Variants in SLC24A2 observed in about 807,000 individuals in gnomAD.
SLC24A2 encodes solute carrier family 24 member 2, also known as sodium/potassium/calcium exchanger 2.
A neutral mutation model predicts 62.0 loss-of-function variants in SLC24A2; 36 were observed. The ratio of observed to expected loss-of-function variants is 0.58; its 90% confidence interval spans 0.44 to 0.77. The LOEUF (loss-of-function observed/expected upper bound fraction) is 0.77. Ranked by LOEUF, SLC24A2 falls within the 30% of genes least tolerant of loss-of-function variation. The probability of loss-of-function intolerance (pLI) is 0.00; values close to 1 mark genes in which losing one functional copy is unlikely to be tolerated. For missense variants in SLC24A2, 846 were observed against 817.9 expected (o/e 1.03, Z -0.42); for synonymous variants, 358 against 294.0 (o/e 1.22, Z -2.23).
intron 6 of SLC24A2, 66 bp from the exon 7 acceptor site, chr9:19,573,535 G>T (rs1039258948): frequency 3.8e-6 from 3 of 781,822 alleles, no homozygotes; most frequent in South Asian, 1.5e-5. Context: ...CACACAGAGA[G>T]AGAGAGAGAG....
intron 2 of SLC24A2, among the ~76,000 whole-genome samples, chr9:19,716,407 C>T (rs1820861306): frequency 1.3e-5 from 2 of 152,184 alleles, no homozygotes; most frequent in South Asian, 4.1e-4. Context: ...GTGTGGGTCC[C>T]AATGATAGAT....
the SLC24A2 span, among the ~76,000 whole-genome samples, chr9:19,982,910 T>C: frequency 1.3e-5 from 2 of 152,022 alleles, no homozygotes; most frequent in African/African-American, 4.8e-5. Context: ...ATTAATAGAA[T>C]AAGAGAATAA....
the SLC24A2 span, among the ~76,000 whole-genome samples, chr9:19,806,075 C>T: frequency 6.6e-6 from 1 of 151,944 alleles, no homozygotes; most frequent in Admixed American, 6.6e-5. Context: ...TAATATTAAT[C>T]AAGTATTAGG....
chr9:19,906,536 G>A, the SLC24A2 span, among the ~76,000 whole-genome samples: 25 of 152,204 alleles, frequency 1.6e-4, no homozygotes, highest in African/African-American at 6.0e-4. Context: ...AATGAATCCA[G>A]GAGCTGGTTT....
chr9:19,718,283 A>ATTT (rs1820919316), intron 2 of SLC24A2, among the ~76,000 whole-genome samples: 1 of 57,970 alleles, frequency 1.7e-5, no homozygotes, highest in African/African-American at 8.1e-5. Context: ...CTGATTTAAC[A>ATTT]CTTTTTTTTT....
At chr9:19,571,381 G>T (rs924552777) in intron 7 of SLC24A2, among the ~76,000 whole-genome samples, 2 of 151,988 alleles carry the variant, frequency 1.3e-5, no homozygotes, top group African/African-American at 4.8e-5. Context: ...AGAGAATAAG[G>T]GTAACAGGCA....
the SLC24A2 span, among the ~76,000 whole-genome samples, chr9:20,046,946 T>C: frequency 1.7e-4 from 26 of 152,306 alleles, no homozygotes; most frequent in African/African-American, 6.3e-4. Flanking sequence ...AAATTCTTCT[T>C]TCTAGTGTCC....
At chr9:20,180,115 G>A in the SLC24A2 span, among the ~76,000 whole-genome samples, 2 of 152,152 alleles carry the variant, frequency 1.3e-5, no homozygotes, top group African/African-American at 2.4e-5. Flanking sequence ...ACAAGTGTAG[G>A]TTGTGGAGTT....
chr9:19,582,767 G>C (rs1836244886), intron 5 of SLC24A2, among the ~76,000 whole-genome samples: 2 of 152,092 alleles, frequency 1.3e-5, no homozygotes, highest in Non-Finnish European at 2.9e-5. Flanking sequence ...GCTTGCAACA[G>C]AACTGGTGTG....
chr9:19,545,260 G>A (rs1029733644), intron 8 of SLC24A2, among the ~76,000 whole-genome samples: 1 of 151,792 alleles, frequency 6.6e-6, no homozygotes, highest in African/African-American at 2.4e-5. Context: ...TTCTCATGCT[G>A]TGTTTTTCAG....
the SLC24A2 span, among the ~76,000 whole-genome samples, chr9:19,998,632 G>A: frequency 2.6e-5 from 4 of 152,174 alleles, no homozygotes; most frequent in Non-Finnish European, 5.9e-5. Context: ...CCATCCCTTT[G>A]TGTGCTCCCA....
chr9:19,530,060 C>T, intron 8 of SLC24A2, among the ~76,000 whole-genome samples: 1 of 142,076 alleles, frequency 7.0e-6, no homozygotes, highest in African/African-American at 2.6e-5. Flanking sequence ...GCCATTAGAT[C>T]TTTACTTATA....
chr9:20,129,914 T>G, the SLC24A2 span, among the ~76,000 whole-genome samples: 3 of 124,920 alleles, frequency 2.4e-5, no homozygotes, highest in East Asian at 6.6e-4. Flanking sequence ...AATTTTATAT[T>G]ATGTATAATT....
At chr9:19,901,602 T>C in the SLC24A2 span, among the ~76,000 whole-genome samples, 1 of 152,194 alleles carries the variant, frequency 6.6e-6, no homozygotes, top group Non-Finnish European at 1.5e-5. Context: ...CTAAAGCATG[T>C]GTATTCACTA....
the SLC24A2 span, among the ~76,000 whole-genome samples, chr9:20,098,695 G>T: frequency 6.6e-6 from 1 of 152,178 alleles, no homozygotes; most frequent in African/African-American, 2.4e-5. Flanking sequence ...AGCATGCCAG[G>T]TTATAAGCCT....
At chr9:19,555,754 G>T (rs1281613285) in intron 7 of SLC24A2, among the ~76,000 whole-genome samples, 1 of 152,088 alleles carries the variant, frequency 6.6e-6, no homozygotes, top group African/African-American at 2.4e-5. Flanking sequence ...AGACCAGCTT[G>T]GCCAACATGG....
the SLC24A2 span, among the ~76,000 whole-genome samples, chr9:19,859,946 A>T: frequency 6.6e-6 from 1 of 152,192 alleles, no homozygotes; most frequent in Non-Finnish European, 1.5e-5. Flanking sequence ...ATCAGAACTT[A>T]AGTTCCTACA....
intron 2 of SLC24A2, among the ~76,000 whole-genome samples, chr9:19,626,986 C>G (rs1364829695): frequency 6.6e-6 from 1 of 152,158 alleles, no homozygotes; most frequent in Non-Finnish European, 1.5e-5. Context: ...TTTGTCTTAA[C>G]ATAGTCCCTA....
the SLC24A2 span, among the ~76,000 whole-genome samples, chr9:20,296,616 A>G: frequency 6.6e-6 from 1 of 152,354 alleles, no homozygotes; most frequent in African/African-American, 2.4e-5. Context: ...TTTGTGAAAG[A>G]TATGATTTCT....
Sources: allele counts gnomAD v4.1 joint callset (sites outside exome capture counted in the v4.1 genomes callset), GRCh38; gene constraint gnomAD v4.1.1; transcripts MANE v1.5; gene names NCBI Gene and HGNC (gene_info 2026-07-23, HGNC 2026-07-21).